Variants in MEF2C observed in about 807,000 individuals in gnomAD.
The protein encoded by MEF2C is myocyte enhancer factor 2C.
MEF2C carries 6 observed loss-of-function variants against 50.5 expected under a neutral mutation model. The observed-to-expected ratio is 0.12, with a 90% CI of 0.07 to 0.23. The LOEUF (loss-of-function observed/expected upper bound fraction) is 0.23. Ranked by LOEUF, MEF2C falls within the 10% of genes least tolerant of loss-of-function variation. MEF2C has a pLI of 1.00. For missense variants in MEF2C, 276 were observed against 605.0 expected (o/e 0.46, Z 5.70); for synonymous variants, 183 against 228.0 (o/e 0.80, Z 1.78).
chr5:88,742,388 A>G, intron 6 of MEF2C: 1 of 984,958 alleles, frequency 1.0e-6, no homozygotes, highest in South Asian at 4.7e-5. Flanking sequence ...AGGGGGAAAT[A>G]TTAACGGCTT....
intron 5 of MEF2C, among the ~76,000 whole-genome samples, chr5:88,750,417 A>G (rs961560572): frequency 6.6e-6 from 1 of 152,056 alleles, no homozygotes; most frequent in African/African-American, 2.4e-5. Context: ...TATGTTGCCC[A>G]GGCTGGTCTT....
intron 1 of MEF2C, among the ~76,000 whole-genome samples, chr5:88,849,948 T>C (rs941253901): frequency 6.6e-6 from 1 of 152,214 alleles, no homozygotes; most frequent in Non-Finnish European, 1.5e-5. Context: ...TTTGTTTGTT[T>C]ATTATACTTT....
chr5:88,734,565 GTTTTTTTTTTTTT>G (rs66505441), intron 6 of MEF2C: 202 of 541,926 alleles, frequency 3.7e-4, no homozygotes, highest in African/African-American at 1.0e-3. Flanking sequence ...AGAAAAGTTT[GTTTTTTTTTTTTT>G]TTTTTTTTTT....
intron 3 of MEF2C, chr5:88,772,472 G>A (rs1280520007): frequency 6.5e-6 from 1 of 153,966 alleles, no homozygotes. Context: ...TTGTCCTGAT[G>A]GGGAACATTC....
At chr5:88,825,393 C>T (rs1810419033) in intron 1 of MEF2C, 2 of 738,882 alleles carry the variant, frequency 2.7e-6, no homozygotes, top group South Asian at 6.1e-5. Flanking sequence ...CGCCTCTCTA[C>T]TAAACTGCAG....
chr5:88,801,439 T>C (rs1033828135), intron 3 of MEF2C, among the ~76,000 whole-genome samples: 18 of 152,218 alleles, frequency 1.2e-4, no homozygotes, highest in African/African-American at 4.1e-4. Context: ...GCACAATTTA[T>C]GTACTAGTGC....
chr5:88,738,966 T>A (rs1765269208), intron 6 of MEF2C: 1 of 980,760 alleles, frequency 1.0e-6, no homozygotes, highest in East Asian at 1.1e-4. Flanking sequence ...CTATTTTGAG[T>A]GGATGATTAA....
intron 3 of MEF2C, among the ~76,000 whole-genome samples, chr5:88,787,417 G>T (rs1426560878): frequency 6.6e-6 from 1 of 151,570 alleles, no homozygotes; most frequent in African/African-American, 2.4e-5. Flanking sequence ...TGACAGCCCC[G>T]TAAGGAGCTC....
At chr5:88,854,606 T>C (rs529224920) in intron 1 of MEF2C, among the ~76,000 whole-genome samples, 52 of 152,292 alleles carry the variant, frequency 3.4e-4, no homozygotes, top group African/African-American at 1.1e-3. Context: ...TTACCCTTCA[T>C]TCACTTGCTT....
At chr5:88,774,971 C>A (rs907276830) in intron 3 of MEF2C, among the ~76,000 whole-genome samples, 2 of 152,184 alleles carry the variant, frequency 1.3e-5, no homozygotes, top group South Asian at 2.1e-4. Flanking sequence ...CACAAGGCTG[C>A]GCTCCTTGAG....
chr5:88,730,700 A>G (rs1487761286), intron 7 of MEF2C, among the ~76,000 whole-genome samples: 1 of 152,172 alleles, frequency 6.6e-6, no homozygotes, highest in Non-Finnish European at 1.5e-5. Flanking sequence ...GTAGGAGGTT[A>G]TATTTATTAG....
intron 1 of MEF2C, among the ~76,000 whole-genome samples, chr5:88,857,407 C>T (rs191594310): frequency 3.9e-5 from 6 of 152,172 alleles, no homozygotes; most frequent in Non-Finnish European, 4.4e-5. Context: ...CTTTGGATTT[C>T]GACTTTTGGG....
chr5:88,798,414 T>C (rs1253202183), intron 3 of MEF2C, among the ~76,000 whole-genome samples: 3 of 152,032 alleles, frequency 2.0e-5, no homozygotes, highest in Admixed American at 2.0e-4. Flanking sequence ...ATATCCTTTC[T>C]TCCGCTTGAT....
At position 88,736,051 on chromosome 5, in the gene MEF2C, C is replaced by G. The variant is rs866203326; in HGVS notation, c.638-4150G>C. On this transcript the variant is annotated intron_variant, in intron 6 of 10. Coordinates refer to ENST00000504921, the MANE Select transcript of MEF2C (RefSeq NM_002397.5). ...ATTGGCATAACCATTTTTTAATCTA[C>G]CAAACTGTCATCTTCTATTATCCCC... The G allele has an allele frequency of 7.2e-5, 71 of 985,378 alleles. No individual in the cohort carries two copies. The South Asian group carries it at 2.6e-3, about 37-fold the overall frequency. The allele number at this position is 985,378 out of a possible 1,614,324, so 61.0% of individuals were successfully genotyped here.
intron 8 of MEF2C, chr5:88,729,549 T>A: frequency 1.8e-6 from 1 of 547,792 alleles, no homozygotes; most frequent in Non-Finnish European, 3.2e-6. Flanking sequence ...AGTAACCCAT[T>A]ACATCAGTAT....
intron 1 of MEF2C, among the ~76,000 whole-genome samples, chr5:88,829,602 A>G (rs1812252706): frequency 6.6e-6 from 1 of 152,022 alleles, no homozygotes; most frequent in Admixed American, 6.6e-5. Flanking sequence ...GACTACTACT[A>G]AAAATATTTT....
chr5:88,741,293 A>C (rs1766642835), intron 6 of MEF2C: 2 of 984,824 alleles, frequency 2.0e-6, no homozygotes, highest in Non-Finnish European at 2.4e-6. Context: ...TTTATTAACA[A>C]GCACTTACTC....
At chr5:88,865,359 G>T (rs1218474077) in intron 1 of MEF2C, among the ~76,000 whole-genome samples, 1 of 152,136 alleles carries the variant, frequency 6.6e-6, no homozygotes, top group Non-Finnish European at 1.5e-5. Context: ...AATTCTGCTT[G>T]TGAGAAACTT....
chr5:88,813,440 C>T (rs920653700), intron 2 of MEF2C, among the ~76,000 whole-genome samples: 3 of 152,060 alleles, frequency 2.0e-5, no homozygotes, highest in South Asian at 2.1e-4. Context: ...CCACTCCACA[C>T]GCCTGCCCCC....
Sources: allele counts gnomAD v4.1 joint callset (sites outside exome capture counted in the v4.1 genomes callset), GRCh38; gene constraint gnomAD v4.1.1; transcripts MANE v1.5; gene names NCBI Gene and HGNC (gene_info 2026-07-23, HGNC 2026-07-21).